Variants in KLHL15 observed in about 807,000 individuals in gnomAD.
KLHL15 encodes the protein kelch-like protein 15.
A neutral mutation model predicts 29.3 loss-of-function variants in KLHL15; 1 was observed. That is an observed-to-expected ratio of 0.03 (90% CI 0.01 to 0.16). KLHL15 has a LOEUF of 0.16. KLHL15 is among the 10% of genes least tolerant of loss of function. KLHL15 has a pLI of 1.00. For synonymous variants in KLHL15, 212 were observed against 184.5 expected (o/e 1.15, Z -1.21); for missense variants, 215 against 478.5 (o/e 0.45, Z 5.14).
chrX:23,995,476 A>ATTTT (rs34748452), intron 3 of KLHL15, among the ~76,000 whole-genome samples: 16 of 103,028 alleles, frequency 1.6e-4, no homozygotes, highest in African/African-American at 5.4e-4. Flanking sequence ...GTTAGAGTAC[A>ATTTT]TTTTTTTTTA....
intron 2 of KLHL15, among the ~76,000 whole-genome samples, chrX:24,019,811 T>C (rs1929768717): frequency 8.9e-6 from 1 of 111,984 alleles, no homozygotes; most frequent in South Asian, 3.7e-4. Flanking sequence ...GACAGGAAAT[T>C]AAAGGCAAAG....
In KLHL15 at chrX:23,988,167, G is replaced by A; in HGVS notation, c.1569C>T (p.Thr523=). 8.3e-7 allele frequency: 1 copy of A among 1,211,765 alleles called. No individual in the cohort carries two copies. Among genetic ancestry groups the A allele is most frequent in the Non-Finnish European group, 1.1e-6 (1 of 895,480 alleles). The change falls in exon 4 of 4, where the codon ACC becomes ACT. Residue 523 remains threonine, a synonymous_variant. Transcript: ENST00000328046. ...EVYNPETDQW[T]ILASMPIGRS... ...TACCAATCGGCATGGATGCCAAGATGGTCCACTGATCAGTCTCTGGGTTGT... is the reference window on the plus strand; with the variant it reads ...TACCAATCGGCATGGATGCCAAGATAGTCCACTGATCAGTCTCTGGGTTGT...
intron 2 of KLHL15, among the ~76,000 whole-genome samples, chrX:24,020,247 T>C (rs1035276689): frequency 3.6e-5 from 4 of 112,250 alleles, no homozygotes; most frequent in African/African-American, 1.3e-4. Flanking sequence ...AATTTGACAA[T>C]CTCAAAGCAG....
Position 23,986,435 on chromosome X carries a change from A to G in KLHL15, c.*1486T>C, listed in dbSNP as rs41309551. The G allele has an allele frequency of 7.1e-5, 8 of 112,613 alleles. No homozygotes were observed. The highest frequency in any genetic ancestry group is 1.3e-4 in the Non-Finnish European group (7 of 53,250). The allele number at this position is 112,613 out of a possible 1,213,427, so 9.3% of individuals were successfully genotyped here. On this transcript the variant is annotated 3_prime_UTR_variant, in exon 4 of 4. Coordinates refer to ENST00000328046, the MANE Select transcript of KLHL15 (RefSeq NM_030624.3). ...CCAGTATAGATCTAGTCTGTATCAG[A>G]TATAGACTACTCATGCGCAAATGGC... is the stretch of plus-strand genomic sequence containing the variant.
intron 2 of KLHL15, among the ~76,000 whole-genome samples, chrX:24,009,429 C>T (rs1361420359): frequency 1.8e-5 from 2 of 110,704 alleles, no homozygotes; most frequent in African/African-American, 3.3e-5. Context: ...ACCCGGGAGG[C>T]GGAGGTTGCA....
At chrX:24,012,384 A>T (rs1929593355) in intron 2 of KLHL15, among the ~76,000 whole-genome samples, 1 of 110,191 alleles carries the variant, frequency 9.1e-6, no homozygotes, top group African/African-American at 3.3e-5. Context: ...AGCTCATCAC[A>T]CTCTCAGCTC....
Position 24,007,509 on chromosome X carries a change from AT to A in KLHL15, c.-7-810del, listed in dbSNP as rs57056294. Among the ~76,000 whole-genome samples, 289 of 34,706 alleles carry A rather than the reference AT, an allele frequency of 8.3e-3. 2 individuals carry two copies. In the South Asian group the frequency reaches 0.089, roughly 11 times the overall value. The allele number at this position is 34,706 out of a possible 115,157, so 30.1% of individuals were successfully genotyped here. A position where few individuals can be genotyped will look rare whatever the true frequency, so the allele number is the denominator to read the frequency against. ...CCATTTCCAAAAAAAAAAAAAAAAA[AT>A]ATATATATATATATATATATATATA... On this transcript the variant is annotated intron_variant, in intron 2 of 3. Coordinates refer to ENST00000328046, the MANE Select transcript of KLHL15 (RefSeq NM_030624.3).
intron 3 of KLHL15, among the ~76,000 whole-genome samples, chrX:24,002,065 G>A (rs1929336352): frequency 1.8e-5 from 2 of 109,757 alleles, no homozygotes; most frequent in Admixed American, 9.9e-5. Context: ...CCCGGCAGGT[G>A]GAGCTTGCAG....
intron 2 of KLHL15, among the ~76,000 whole-genome samples, chrX:24,010,594 G>A (rs1353322304): frequency 3.6e-5 from 4 of 112,058 alleles, no homozygotes; most frequent in Non-Finnish European, 7.5e-5. Flanking sequence ...GGAATCATAT[G>A]TTGCAGCTAT....
chrX:24,010,493 A>C (rs955748691), intron 2 of KLHL15, among the ~76,000 whole-genome samples: 4 of 112,358 alleles, frequency 3.6e-5, no homozygotes, highest in Non-Finnish European at 5.6e-5. Context: ...AGCACTATCA[A>C]AGATGTTCCC....
At position 24,006,505 on chromosome X, in the gene KLHL15, G is replaced by T; in HGVS notation, c.189C>A (p.Asp63Glu). 1 of 1,211,367 alleles carries T rather than the reference G, an allele frequency of 8.3e-7. No individual in the cohort carries two copies. Among genetic ancestry groups the T allele is most frequent in the Non-Finnish European group, 1.1e-6 (1 of 895,409 alleles). The change falls in exon 3 of 4, where the codon GAC becomes GAA. Residue 63 changes from aspartate (D) to glutamate (E), a missense_variant. Coordinates refer to ENST00000328046, the MANE Select transcript of KLHL15 (RefSeq NM_030624.3). ...SDYFRIMFTA[D>E]MRERDQDKIH... ...TTTTGTCCTGATCTCGTTCCCTCAT[G>T]TCTGCAGTAAACATAATTCTGAAGT...
At position 24,006,423 on chromosome X, in the gene KLHL15, A is replaced by C; in HGVS notation, c.271T>G (p.Tyr91Asp). 1 of 1,211,742 alleles carries C rather than the reference A, an allele frequency of 8.3e-7. No individual in the cohort carries two copies. The highest frequency in any genetic ancestry group is 1.1e-6 in the Non-Finnish European group (1 of 895,314). ...TTCATACTCAGCTCTATAGTTCCAT[A>C]GTACATAAATTGCAGGACATGGCTG... is the stretch of plus-strand genomic sequence containing the variant. Reference protein sequence around the residue: ...GFSHVLQFMYYGTIELSMNTV... With the variant: ...GFSHVLQFMYDGTIELSMNTV... The change falls in exon 3 of 4, where the codon TAT becomes GAT. Residue 91 changes from tyrosine (Y) to aspartate (D), a missense_variant. Coordinates refer to ENST00000328046, the MANE Select transcript of KLHL15 (RefSeq NM_030624.3).
chrX:24,010,844 G>C (rs1439666613), intron 2 of KLHL15, among the ~76,000 whole-genome samples: 1 of 111,196 alleles, frequency 9.0e-6, no homozygotes, highest in Non-Finnish European at 1.9e-5. Flanking sequence ...GTCACTGCCA[G>C]TGTCACCACT....
Position 24,003,381 on chromosome X carries a change from T to TAA in KLHL15, c.705+2606_705+2607dup, listed in dbSNP as rs373571267. Among the ~76,000 whole-genome samples, 11 of 98,750 alleles carry TAA rather than the reference T, an allele frequency of 1.1e-4. No homozygotes were observed. In the East Asian group the frequency reaches 3.5e-3, roughly 32 times the overall value. 85.8% of individuals were successfully genotyped at this position (98,750 alleles called of 115,157 possible). ...TAACACAGTGAAACCCCGTCTCTAC[T>TAA]AAAAAAAAAAAATGCAAAAAAATTA... On this transcript the variant is annotated intron_variant, in intron 3 of 3. Transcript: ENST00000328046.
chrX:23,999,943 A>G (rs970146970), intron 3 of KLHL15, among the ~76,000 whole-genome samples: 1 of 112,203 alleles, frequency 8.9e-6, no homozygotes, highest in Non-Finnish European at 1.9e-5. Context: ...AAGGAGTCCG[A>G]TGCAGAAAAA....
At chrX:24,019,870 G>A (rs1234592568) in intron 2 of KLHL15, among the ~76,000 whole-genome samples, 9 of 112,086 alleles carry the variant, frequency 8.0e-5, no homozygotes, top group Non-Finnish European at 1.7e-4. Context: ...CTGATGTGAA[G>A]GCAAAATTAT....
chrX:23,997,730 C>CAAAA (rs59857010), intron 3 of KLHL15, among the ~76,000 whole-genome samples: 2 of 24,243 alleles, frequency 8.2e-5, no homozygotes, highest in East Asian at 2.8e-3. Context: ...GACTCTGTCT[C>CAAAA]AAAAAAAAAA....
At chrX:24,016,522 C>T in intron 2 of KLHL15, among the ~76,000 whole-genome samples, 1 of 108,362 alleles carries the variant, frequency 9.2e-6, no homozygotes, top group East Asian at 2.9e-4. Context: ...AAAAAATTGG[C>T]TAGGTGTTGT....
chrX:23,994,696 T>C (rs1015462068), intron 3 of KLHL15, among the ~76,000 whole-genome samples: 1 of 112,329 alleles, frequency 8.9e-6, no homozygotes, highest in Admixed American at 9.5e-5. Context: ...ACAGCTGTCA[T>C]GTTTTAAAGC....
Sources: allele counts gnomAD v4.1 joint callset (sites outside exome capture counted in the v4.1 genomes callset), GRCh38; gene constraint gnomAD v4.1.1; transcripts MANE v1.5; gene names NCBI Gene and HGNC (gene_info 2026-07-23, HGNC 2026-07-21).